RGS12: variants seen among roughly 807,000 people sequenced by gnomAD.
RGS12 encodes the protein regulator of G protein signaling 12.
Under a neutral mutation model 120.1 loss-of-function variants are expected in RGS12, and 66 were observed. The observed-to-expected ratio is 0.55, with a 90% CI of 0.45 to 0.67. RGS12 has a LOEUF of 0.67. Among genes scored for constraint, RGS12 ranks in the 30% least tolerant of loss-of-function variants. The probability of loss-of-function intolerance (pLI) is 0.00; values close to 1 mark genes in which losing one functional copy is unlikely to be tolerated. For missense variants in RGS12, 1,859 were observed against 1,957.7 expected, an observed-to-expected ratio of 0.95 and a Z score of 0.95; for synonymous variants, 827 against 804.7, an observed-to-expected ratio of 1.03 and a Z score of -0.47.
At chr4:3,394,761 C>T (rs924877818) in intron 4 of RGS12, among the ~76,000 whole-genome samples, 8 of 152,174 alleles carry the variant, frequency 5.3e-5, no homozygotes, top group African/African-American at 1.4e-4. Flanking sequence ...TATCAGCACT[C>T]AGACCAAGAG....
chr4:3,296,231 G>A (rs1193200413), intron 1 of RGS12, among the ~76,000 whole-genome samples: 5 of 152,154 alleles, frequency 3.3e-5, no homozygotes, highest in African/African-American at 1.2e-4. Context: ...TTGCCCAGGT[G>A]GAGTGCGGTG....
In RGS12 at chr4:3,317,646, T is replaced by A. The variant is rs1341154350; in HGVS notation, c.1476T>A (p.Thr492=). ...CCCCATTTGAGGCCGCTCATCAGAC[T>A]GACAGGTTCTGGGACCTAAACAAGC... ...GSPPFEAAHQ[T]DRFWDLNKHL... Residue 492 remains threonine (T), a synonymous_variant, in exon 2 of 18, where the codon ACT becomes ACA. Coordinates refer to ENST00000336727, the MANE Select transcript of RGS12 (RefSeq NM_001394154.1). The A allele has an allele frequency of 2.5e-6, 4 of 1,595,920 alleles. No homozygotes were observed. Among genetic ancestry groups the A allele is most frequent in the Non-Finnish European group, 3.4e-6 (4 of 1,168,726 alleles).
intron 2 of RGS12, among the ~76,000 whole-genome samples, chr4:3,335,794 T>C (rs1712394141): frequency 6.6e-6 from 1 of 151,306 alleles, no homozygotes; most frequent in Non-Finnish European, 1.5e-5. Context: ...ACTCTAAAAA[T>C]TCGAAAAAAA....
rs1488151860 is a variant in RGS12 at position 3,293,144 on chromosome 4, C to T, written c.-102+45C>T. The T allele has an allele frequency of 2.1e-5, 3 of 145,652 alleles. No individual in the cohort carries two copies. In the East Asian group the frequency reaches 6.0e-4, roughly 29 times the overall value. The allele number at this position is 145,652 out of a possible 1,614,324, so 9.0% of individuals were successfully genotyped here. On this transcript the variant is annotated intron_variant, in intron 1 of 17. Transcript: ENST00000336727. ...GCCGGGGCGGGGGCAGGGCGCGCCG[C>T]CTCCGCTCTTTCTTTCGTCTCCGGG... is the stretch of plus-strand genomic sequence containing the variant.
intron 4 of RGS12, among the ~76,000 whole-genome samples, chr4:3,393,993 A>G (rs902254555): frequency 3.9e-5 from 6 of 152,056 alleles, no homozygotes. Context: ...TTTGGGGAGG[A>G]AGCTGCCCAG....
At chr4:3,346,717 C>T (rs990473887) in intron 3 of RGS12, among the ~76,000 whole-genome samples, 28 of 152,180 alleles carry the variant, frequency 1.8e-4, no homozygotes, top group African/African-American at 6.3e-4. Flanking sequence ...AACATGGCTG[C>T]TTCTCTCTAC....
chr4:3,298,916 T>C (rs763575752), intron 1 of RGS12, among the ~76,000 whole-genome samples: 2 of 152,254 alleles, frequency 1.3e-5, no homozygotes, highest in Non-Finnish European at 2.9e-5. Flanking sequence ...CTAGCGGCTT[T>C]AATGTTCTTT....
At chr4:3,286,461 C>T in the RGS12 span, among the ~76,000 whole-genome samples, 1 of 152,248 alleles carries the variant, frequency 6.6e-6, no homozygotes, top group Non-Finnish European at 1.5e-5. Flanking sequence ...CAAATACAGT[C>T]TCAATTCAGA....
chr4:3,415,221 G>A (rs934321150), intron 6 of RGS12, among the ~76,000 whole-genome samples: 2 of 152,086 alleles, frequency 1.3e-5, no homozygotes, highest in Non-Finnish European at 2.9e-5. Flanking sequence ...AGAGGGCCGC[G>A]TGGCCTCATT....
At position 3,417,439 on chromosome 4, in the gene RGS12, G is replaced by C. The variant is rs1407590322; in HGVS notation, c.2659G>C (p.Glu887Gln). ...ATCCCTGAATGAAGAGCTGGGGGAT[G>C]AGGACAGCGAGAAGAAGCGGAAAGG... ...GRSLNEELGDEDSEKKRKGAF... is the reference protein window; with the variant it reads ...GRSLNEELGDQDSEKKRKGAF... Residue 887 changes from glutamate to glutamine, a missense_variant, in exon 9 of 18, where the codon GAG (glutamate) becomes CAG (glutamine). By Grantham distance (29) the Glu-to-Gln change is conservative. Coordinates refer to ENST00000336727, the MANE Select transcript of RGS12 (RefSeq NM_001394154.1). 6.2e-7 allele frequency: 1 copy of C among 1,607,554 alleles called. No individual in the cohort carries two copies. Among genetic ancestry groups the C allele is most frequent in the East Asian group, 2.2e-5 (1 of 44,756 alleles).
At chr4:3,429,866 C>T (rs1044813266) in intron 16 of RGS12, among the ~76,000 whole-genome samples, 6 of 152,194 alleles carry the variant, frequency 3.9e-5, no homozygotes, top group Admixed American at 2.0e-4. Flanking sequence ...GCAGTGACCC[C>T]GAGAGGCAGG....
intron 3 of RGS12, among the ~76,000 whole-genome samples, chr4:3,383,835 A>C: frequency 6.6e-6 from 1 of 152,278 alleles, no homozygotes; most frequent in East Asian, 1.9e-4. Context: ...CTCAGTGGGC[A>C]TCACACACTC....
chr4:3,319,806 C>G (rs1222559611), intron 2 of RGS12, among the ~76,000 whole-genome samples: 1 of 152,194 alleles, frequency 6.6e-6, no homozygotes, highest in South Asian at 2.1e-4. Context: ...TTCCTTGTCT[C>G]TTGATCTGAG....
At chr4:3,337,938 G>A (rs992674749) in intron 2 of RGS12, among the ~76,000 whole-genome samples, 2 of 152,186 alleles carry the variant, frequency 1.3e-5, no homozygotes, top group Non-Finnish European at 2.9e-5. Context: ...GGTCAGCCAT[G>A]AGCTGTGTGA....
chr4:3,430,759 C>G lies in RGS12; in HGVS notation c.3918C>G (p.Val1306=). The G allele has an allele frequency of 2.5e-6, 4 of 1,609,420 alleles. No individual in the cohort carries two copies. The highest frequency in any genetic ancestry group is 3.4e-6 in the Non-Finnish European group (4 of 1,177,988). Residue 1306 remains valine, a synonymous_variant, in exon 17 of 18, where the codon GTC becomes GTG. Coordinates refer to ENST00000336727, the MANE Select transcript of RGS12 (RefSeq NM_001394154.1). ...SGPFCTPQSP[V]SLAQEGTAQI... ...CCTTCTGCACTCCCCAGTCCCCCGT[C>G]TCCCTCGCGCAGGAGGGCACCGCCC...
At chr4:3,287,157 C>T in the RGS12 span, among the ~76,000 whole-genome samples, 1 of 152,186 alleles carries the variant, frequency 6.6e-6, no homozygotes, top group Non-Finnish European at 1.5e-5. Flanking sequence ...AGCGCCCAGG[C>T]CCCGACGCTG....
intron 7 of RGS12, among the ~76,000 whole-genome samples, chr4:3,416,529 C>G (rs570506970): frequency 1.7e-4 from 26 of 152,296 alleles, no homozygotes; most frequent in African/African-American, 5.8e-4. Context: ...CGCTGCGGCA[C>G]GTGGGTCACG....
chr4:3,369,371 A>G (rs1260835012), intron 3 of RGS12, among the ~76,000 whole-genome samples: 1 of 152,252 alleles, frequency 6.6e-6, no homozygotes, highest in Non-Finnish European at 1.5e-5. Flanking sequence ...TCCTCCACAG[A>G]AAGGCAGAAG....
intron 17 of RGS12, 150 bp downstream of exon 17, chr4:3,431,105 C>T: frequency 6.9e-7 from 1 of 1,441,200 alleles, no homozygotes; most frequent in Non-Finnish European, 9.1e-7. Context: ...GCTTCCTTGG[C>T]CCTCTTGGAA....
Sources: allele counts gnomAD v4.1 joint callset (sites outside exome capture counted in the v4.1 genomes callset), GRCh38; gene constraint gnomAD v4.1.1; transcripts MANE v1.5; gene names NCBI Gene and HGNC (gene_info 2026-07-23, HGNC 2026-07-21).